The following KCNAB1 variants were observed in gnomAD, a reference collection of about 807,000 sequenced individuals.
KCNAB1 encodes the protein potassium voltage-gated channel subfamily A regulatory beta subunit 1.
Under a neutral mutation model 64.6 loss-of-function variants are expected in KCNAB1, and 35 were observed. The observed-to-expected ratio is 0.54, with a 90% CI of 0.41 to 0.72. The LOEUF is 0.72. KCNAB1 is among the 30% of genes least tolerant of loss of function. The pLI is 0.00. For synonymous variants in KCNAB1, 177 were observed against 183.8 expected, an observed-to-expected ratio of 0.96 and a Z score of 0.30; for missense variants, 401 against 512.9, an observed-to-expected ratio of 0.78 and a Z score of 2.11.
At chr3:156,280,707 G>T (rs1425661851) in intron 1 of KCNAB1, among the ~76,000 whole-genome samples, 1 of 150,986 alleles carries the variant, frequency 6.6e-6, no homozygotes, top group Non-Finnish European at 1.5e-5. Flanking sequence ...TGGATTCCTA[G>T]GTATTTTATT....
intron 1 of KCNAB1, among the ~76,000 whole-genome samples, chr3:156,342,728 A>G (rs1185068522): frequency 6.6e-6 from 1 of 150,796 alleles, no homozygotes. Flanking sequence ...GTCATCTAGC[A>G]TTAGGTATAT....
intron 8 of KCNAB1, among the ~76,000 whole-genome samples, chr3:156,504,014 C>G (rs943088349): frequency 1.4e-4 from 21 of 152,140 alleles, no homozygotes; most frequent in African/African-American, 5.1e-4. Context: ...TTCCTCCTAT[C>G]TGGCAGTAAT....
rs554334327 is a variant in KCNAB1 at position 156,255,245 on chromosome 3, G to A, written c.275+134359G>A. ...ATTATCCAAGAGGGTGCTATGAGCC[G>A]GATCTTATTTTCAATTTGAGGTCAT... On this transcript the variant is annotated intron_variant, in intron 1 of 13. Transcript: ENST00000490337. Among the ~76,000 whole-genome samples, 204 of 152,246 alleles carry A rather than the reference G, an allele frequency of 1.3e-3. 1 individual carries two copies. Among genetic ancestry groups the A allele is most frequent in the African/African-American group, 4.5e-3 (188 of 41,534 alleles).
In KCNAB1 at chr3:156,428,488, TACACACACACACACACAC is replaced by T. The variant is rs4056995; in HGVS notation, c.319+6858_319+6875del. Among the ~76,000 whole-genome samples, 32 of 127,490 alleles carry T rather than the reference TACACACACACACACACAC, an allele frequency of 2.5e-4. 1 individual carries two copies. Among genetic ancestry groups the T allele is most frequent in the African/African-American group, 8.0e-4 (25 of 31,138 alleles). 83.6% of individuals were successfully genotyped at this position (127,490 alleles called of 152,430 possible). On this transcript the variant is annotated intron_variant, in intron 2 of 13. Transcript: ENST00000490337. Reference sequence around the variant, plus strand: ...GAGCCAATTCCTTATAATTCCTCTATACACACACACACACACACACACACACACACACACACACACACA... The same window carrying T: ...GAGCCAATTCCTTATAATTCCTCTATACACACACACACACACACACACACA...
At chr3:156,370,661 A>T (rs1053537090) in intron 1 of KCNAB1, among the ~76,000 whole-genome samples, 1 of 150,440 alleles carries the variant, frequency 6.6e-6, no homozygotes, top group Admixed American at 6.6e-5. Context: ...CCTGAGCTCC[A>T]CAATGGAGGA....
chr3:156,483,873 T>C (rs549420716), intron 8 of KCNAB1, among the ~76,000 whole-genome samples: 2 of 152,232 alleles, frequency 1.3e-5, no homozygotes, highest in South Asian at 4.1e-4. Flanking sequence ...CTGGGTTCCA[T>C]AGAAAGAACA....
Position 156,126,939 on chromosome 3 carries a change from T to A in KCNAB1, c.275+6053T>A, listed in dbSNP as rs151185822. Among the ~76,000 whole-genome samples the A allele has an allele frequency of 1.4e-3, 207 of 152,364 alleles. No individual in the cohort carries two copies. The South Asian group carries it at 0.017, about 12-fold the overall frequency. ...CCTGACGCATGATCTATGCCCTTGC[T>A]ATTATCATGAGATTGTTATTGGAGA... On this transcript the variant is annotated intron_variant, in intron 1 of 13. Transcript: ENST00000490337.
intron 1 of KCNAB1, among the ~76,000 whole-genome samples, chr3:156,369,653 AT>A (rs1048766733): frequency 4.6e-5 from 7 of 152,338 alleles, no homozygotes; most frequent in African/African-American, 1.7e-4. Context: ...AGTCTCCTGA[AT>A]TTAGGGGAAG....
chr3:156,346,771 C>G lies in KCNAB1; in HGVS notation c.276-74845C>G, dbSNP rs986699634. 3.3e-5 allele frequency among the ~76,000 whole-genome samples: 5 copies of G among 152,136 alleles called. 1 individual carries two copies. The East Asian group carries it at 7.7e-4, about 23-fold the overall frequency. The stretch of plus-strand genomic sequence containing the variant: ...AAATATGGAAGCATCTAGGAAAAAT[C>G]CAGAAGTTGATTAATTTTATGGAAA... On this transcript the variant is annotated intron_variant, in intron 1 of 13. Coordinates refer to ENST00000490337, the MANE Select transcript of KCNAB1 (RefSeq NM_172160.3).
chr3:156,421,489 C>T, intron 1 of KCNAB1, 127 bp from the exon 2 acceptor site: 1 of 839,706 alleles, frequency 1.2e-6, no homozygotes. Context: ...AATATGCCGG[C>T]ATCTGTGGTT....
intron 1 of KCNAB1, among the ~76,000 whole-genome samples, chr3:156,323,513 A>C (rs750555491): frequency 5.3e-5 from 8 of 152,178 alleles, no homozygotes; most frequent in Non-Finnish European, 8.8e-5. Context: ...ATTGACCCCC[A>C]TGTCCTAAGT....
intron 11 of KCNAB1, among the ~76,000 whole-genome samples, chr3:156,519,422 CCTT>C (rs377243272): frequency 3.3e-5 from 5 of 152,286 alleles, no homozygotes; most frequent in African/African-American, 1.2e-4. Flanking sequence ...CCAGAAATGT[CCTT>C]CTTTTCATTC....
intron 1 of KCNAB1, among the ~76,000 whole-genome samples, chr3:156,154,707 C>G (rs1715615170): frequency 6.6e-6 from 1 of 152,166 alleles, no homozygotes; most frequent in Admixed American, 6.5e-5. Context: ...GGTTTTCTTA[C>G]TTAAGTCTGC....
intron 1 of KCNAB1, among the ~76,000 whole-genome samples, chr3:156,354,105 T>C (rs997660414): frequency 2.2e-4 from 27 of 125,432 alleles, no homozygotes; most frequent in Admixed American, 1.3e-3. Context: ...AATATATGTA[T>C]ATATATGTGT....
At chr3:156,218,822 A>AAATAAAAAT (rs71635287) in intron 1 of KCNAB1, among the ~76,000 whole-genome samples, 11 of 144,390 alleles carry the variant, frequency 7.6e-5, no homozygotes, top group African/African-American at 2.8e-4. Flanking sequence ...AAATAAAATA[A>AAATAAAAAT]AAATAAATAA....
At chr3:156,353,976 A>G (rs1310214934) in intron 1 of KCNAB1, among the ~76,000 whole-genome samples, 1 of 151,572 alleles carries the variant, frequency 6.6e-6, no homozygotes, top group Admixed American at 6.6e-5. Context: ...ATATCAGGAC[A>G]TGGGGGATTT....
At chr3:156,417,115 A>C (rs1715128944) in intron 1 of KCNAB1, among the ~76,000 whole-genome samples, 1 of 152,200 alleles carries the variant, frequency 6.6e-6, no homozygotes, top group African/African-American at 2.4e-5. Flanking sequence ...AGCCACCTTC[A>C]TGGCTGTCAA....
intron 2 of KCNAB1, among the ~76,000 whole-genome samples, chr3:156,427,250 G>A (rs1217732593): frequency 4.6e-5 from 7 of 152,184 alleles, no homozygotes; most frequent in African/African-American, 1.4e-4. Context: ...AAGAGCTTGT[G>A]ACCTCCCAGC....
chr3:156,293,355 A>G (rs1216533785), intron 1 of KCNAB1, among the ~76,000 whole-genome samples: 3 of 152,234 alleles, frequency 2.0e-5, no homozygotes, highest in African/African-American at 7.2e-5. Flanking sequence ...ATATCTAACT[A>G]TCTCTTGTCT....
Sources: gnomAD v4.1 joint callset for allele counts (sites outside exome capture counted in the v4.1 genomes callset) on GRCh38, gnomAD v4.1.1 for gene constraint, MANE v1.5 for transcripts, NCBI Gene and HGNC (gene_info 2026-07-23, HGNC 2026-07-21) for gene names.